MAST2: variants seen among roughly 807,000 people sequenced by gnomAD.
MAST2 encodes the protein microtubule-associated serine/threonine-protein kinase 2.
In MAST2, 70 loss-of-function variants were observed where a neutral mutation model predicts 147.4. The ratio of observed to expected loss-of-function variants is 0.47; its 90% confidence interval spans 0.39 to 0.58. The LOEUF (loss-of-function observed/expected upper bound fraction) is 0.58. Ranked by LOEUF, MAST2 falls within the 20% of genes least tolerant of loss-of-function variation. The probability of loss-of-function intolerance (pLI) is 0.00; values close to 1 mark genes in which losing one functional copy is unlikely to be tolerated. For missense variants in MAST2, 2,080 were observed against 2,302.3 expected (o/e 0.90, Z 1.98); for synonymous variants, 869 against 896.8 (o/e 0.97, Z 0.55).
At chr1:45,855,472 A>G (rs576395025) in intron 3 of MAST2, among the ~76,000 whole-genome samples, 2 of 151,976 alleles carry the variant, frequency 1.3e-5, no homozygotes, top group East Asian at 3.9e-4. Context: ...TTCTGTCTCT[A>G]AGTATTTTAT....
intron 4 of MAST2, among the ~76,000 whole-genome samples, chr1:45,954,431 A>AT (rs915525878): frequency 4.7e-4 from 71 of 152,274 alleles, no homozygotes; most frequent in African/African-American, 1.6e-3. Flanking sequence ...TGAGATGACC[A>AT]TGGCGAGGTA....
Position 46,036,049 on chromosome 1 carries a change from C to G in MAST2, c.5380C>G (p.Leu1794Val). ...GGATTTGGCATTGGTTCCAGATGAG[C>G]TTTTAAAGCAAACATAGCAGTTGTT... ...HRDLALVPDE[L>V]LKQT Residue 1794 changes from leucine (L) to valine (V), a missense_variant, in exon 29 of 29, where the codon CTT becomes GTT. Transcript: ENST00000361297. 6.2e-7 allele frequency: 1 copy of G among 1,607,778 alleles called. No individual in the cohort carries two copies. Among genetic ancestry groups the G allele is most frequent in the Non-Finnish European group, 8.5e-7 (1 of 1,176,918 alleles).
chr1:45,955,209 G>T (rs947258015), intron 4 of MAST2, among the ~76,000 whole-genome samples: 12 of 152,074 alleles, frequency 7.9e-5, no homozygotes, highest in Non-Finnish European at 1.8e-4. Flanking sequence ...ATATATTGGG[G>T]ATTAGTTCCA....
intron 4 of MAST2, among the ~76,000 whole-genome samples, chr1:45,893,307 C>A (rs1343258210): frequency 6.6e-6 from 1 of 152,144 alleles, no homozygotes; most frequent in Non-Finnish European, 1.5e-5. Context: ...CTCAAGCGAT[C>A]CTCCTGTTTC....
intron 4 of MAST2, among the ~76,000 whole-genome samples, chr1:45,886,641 A>G (rs751904619): frequency 9.2e-5 from 14 of 152,172 alleles, no homozygotes; most frequent in African/African-American, 2.9e-4. Context: ...TCAAAGTACA[A>G]TATCTGTGAA....
At position 45,899,310 on chromosome 1, in the gene MAST2, T is replaced by TTC. The variant is rs1244960160; in HGVS notation, c.500+16916_500+16917insCT. On this transcript the variant is annotated intron_variant, in intron 4 of 28. Coordinates refer to ENST00000361297, the MANE Select transcript of MAST2 (RefSeq NM_015112.3). ...AAAAATATTTTTCCTTTCTTTTCTTTTTTTTTTTTTTTTTTTTAGATTCAG... is the reference window on the plus strand; with the variant it reads ...AAAAATATTTTTCCTTTCTTTTCTTTTCTTTTTTTTTTTTTTTTTAGATTCAG... 2.4e-3 allele frequency among the ~76,000 whole-genome samples: 346 copies of TTC among 146,520 alleles called. 3 individuals are homozygous for TTC. The highest frequency in any genetic ancestry group is 8.5e-3 in the Admixed American group (125 of 14,650).
chr1:45,828,610 A>C (rs1361233114), intron 2 of MAST2, among the ~76,000 whole-genome samples: 4 of 152,370 alleles, frequency 2.6e-5, no homozygotes, highest in African/African-American at 4.8e-5. Flanking sequence ...GGGAGAAATG[A>C]GACCTTCACC....
intron 5 of MAST2, among the ~76,000 whole-genome samples, chr1:45,961,116 G>A (rs1660353839): frequency 6.6e-6 from 1 of 152,026 alleles, no homozygotes; most frequent in Admixed American, 6.6e-5. Flanking sequence ...CCAAGAATCA[G>A]TAAATCTCTC....
At chr1:46,018,328 C>T (rs1646044350) in intron 10 of MAST2, among the ~76,000 whole-genome samples, 1 of 152,210 alleles carries the variant, frequency 6.6e-6, no homozygotes. Flanking sequence ...TTACTGTTCT[C>T]CTGAGCTTCA....
intron 3 of MAST2, among the ~76,000 whole-genome samples, chr1:45,846,439 T>A (rs932971232): frequency 2.6e-5 from 4 of 152,112 alleles, no homozygotes; most frequent in Non-Finnish European, 5.9e-5. Context: ...CGGCCTGAAA[T>A]TTAGATGAAA....
chr1:46,030,294 G>A, intron 21 of MAST2, 56 bp downstream of exon 21: 1 of 1,551,770 alleles, frequency 6.4e-7, no homozygotes, highest in Non-Finnish European at 8.8e-7. Flanking sequence ...AGAAGAAGAG[G>A]GCCTGTCAAA....
chr1:45,818,740 A>G (rs1644531525), intron 1 of MAST2, among the ~76,000 whole-genome samples: 1 of 152,188 alleles, frequency 6.6e-6, no homozygotes, highest in Admixed American at 6.5e-5. Flanking sequence ...TGCACTGTAC[A>G]GTTGTTAGCA....
intron 1 of MAST2, among the ~76,000 whole-genome samples, chr1:45,812,018 C>T (rs1250793063): frequency 6.6e-6 from 1 of 152,008 alleles, no homozygotes; most frequent in Non-Finnish European, 1.5e-5. Context: ...GATCTGCCCG[C>T]CTTGGCCTCC....
intron 3 of MAST2, among the ~76,000 whole-genome samples, chr1:45,860,554 G>A (rs4660317): frequency 0.45 from 67,654 of 151,748 alleles, 15,281 homozygotes; most frequent in East Asian, 0.62. Context: ...ACTCTTGGCC[G>A]GGCGCAGTGG....
chr1:46,035,805 A>T lies in MAST2; in HGVS notation c.5136A>T (p.Arg1712Ser), dbSNP rs780861903. 31 of 1,613,938 alleles carry T rather than the reference A, an allele frequency of 1.9e-5. No individual in the cohort carries two copies. Among genetic ancestry groups the T allele is most frequent in the Non-Finnish European group, 1.9e-5 (23 of 1,180,036 alleles). ...QGKTQPPSAP[R>S]LAHPSYEDPS... The stretch of plus-strand genomic sequence containing the variant: ...AGACACAGCCACCTAGTGCCCCCAG[A>T]CTGGCCCATCCATCTTATGAGGATC... The change falls in exon 29 of 29, where the codon AGA (arginine) becomes AGT (serine). Residue 1712 changes from arginine to serine, a missense_variant. Arg to Ser is a moderately radical substitution (Grantham distance 110). This residue lies in a region of MAST2 where 1,278 missense variants were observed against 1,304.2 expected (regional missense o/e 0.98). Transcript: ENST00000361297. The surrounding 1 kb of genome is among the most constrained non-coding windows in gnomAD (Gnocchi z 5.5).
chr1:45,852,751 A>C (rs1195185644), intron 3 of MAST2, among the ~76,000 whole-genome samples: 1 of 151,766 alleles, frequency 6.6e-6, no homozygotes, highest in Admixed American at 6.6e-5. Context: ...TGTTTTTGAG[A>C]TCCGTCTAAA....
intron 10 of MAST2, among the ~76,000 whole-genome samples, chr1:46,016,127 C>A (rs201377643): frequency 6.5e-5 from 9 of 139,512 alleles, no homozygotes; most frequent in Middle Eastern, 3.6e-3. Flanking sequence ...ATTCAACAAC[C>A]CTTCATGCTA....
At chr1:45,931,226 C>G (rs1374706938) in intron 4 of MAST2, among the ~76,000 whole-genome samples, 1 of 152,130 alleles carries the variant, frequency 6.6e-6, no homozygotes, top group Non-Finnish European at 1.5e-5. Context: ...GTTATTTCCT[C>G]AACTTTTATA....
At chr1:45,966,165 A>G (rs1289816997) in intron 5 of MAST2, among the ~76,000 whole-genome samples, 1 of 152,174 alleles carries the variant, frequency 6.6e-6, no homozygotes, top group Non-Finnish European at 1.5e-5. Flanking sequence ...TACGTACTGA[A>G]GTTTCCTCCA....
Sources: gnomAD v4.1 joint callset for allele counts (sites outside exome capture counted in the v4.1 genomes callset) on GRCh38, gnomAD v4.1.1 for gene constraint, gnomAD v4.1.1 regional missense constraint, Gnocchi (gnomAD v3.1) non-coding constraint, MANE v1.5 for transcripts, NCBI Gene and HGNC (gene_info 2026-07-23, HGNC 2026-07-21) for gene names.